The following ARHGEF4 variants were observed in gnomAD, a reference collection of about 807,000 sequenced individuals.
ARHGEF4 encodes the protein APC-stimulated guanine nucleotide exchange factor 1.
ARHGEF4 carries 119 observed loss-of-function variants against 162.0 expected under a neutral mutation model. That is an observed-to-expected ratio of 0.73 (90% CI 0.63 to 0.86). ARHGEF4 has a LOEUF of 0.86. ARHGEF4 is among the 40% of genes least tolerant of loss of function. The probability of loss-of-function intolerance (pLI) is 0.00; values close to 1 mark genes in which losing one functional copy is unlikely to be tolerated. For missense variants in ARHGEF4, 2,488 were observed against 2,456.0 expected (o/e 1.01, Z -0.28); for synonymous variants, 1,014 against 979.9 (o/e 1.03, Z -0.65).
intron 4 of ARHGEF4, among the ~76,000 whole-genome samples, chr2:131,020,413 C>G (rs1157999444): frequency 7.1e-6 from 1 of 141,678 alleles, no homozygotes; most frequent in Admixed American, 7.7e-5. Context: ...TTGTTCAATT[C>G]CCACCTATGA....
chr2:130,844,634 C>T (rs1225026388), intron 1 of ARHGEF4, among the ~76,000 whole-genome samples: 1 of 152,050 alleles, frequency 6.6e-6, no homozygotes, highest in African/African-American at 2.4e-5. Context: ...GGTGATGGCC[C>T]CTAGGTGGGT....
intron 5 of ARHGEF4, among the ~76,000 whole-genome samples, chr2:131,031,020 C>T (rs535850229): frequency 3.9e-5 from 6 of 152,150 alleles, no homozygotes; most frequent in Non-Finnish European, 7.4e-5. Flanking sequence ...CAACAGGTGT[C>T]AGAAAAAAGT....
At chr2:131,030,952 C>T (rs528491715) in intron 5 of ARHGEF4, among the ~76,000 whole-genome samples, 44 of 152,382 alleles carry the variant, frequency 2.9e-4, no homozygotes, top group African/African-American at 1.0e-3. Flanking sequence ...CTCCCACGGG[C>T]TCAGCCAGAA....
At chr2:131,036,995 A>T (rs373922911) in intron 5 of ARHGEF4, among the ~76,000 whole-genome samples, 3 of 152,138 alleles carry the variant, frequency 2.0e-5, no homozygotes, top group African/African-American at 7.2e-5. Context: ...TCTGAGTGGC[A>T]GCAGCAGCTC....
chr2:130,845,461 G>A lies in ARHGEF4; in HGVS notation c.39+8469G>A, dbSNP rs575447146. On this transcript the variant is annotated intron_variant, in intron 1 of 13. Transcript: ENST00000409359. ...GTACAGGCACCCGCCACCACACCCGGCTAATTTTTGTATTTTTAGTAGAGA... is the reference window on the plus strand; with the variant it reads ...GTACAGGCACCCGCCACCACACCCGACTAATTTTTGTATTTTTAGTAGAGA... 3.9e-5 allele frequency among the ~76,000 whole-genome samples: 6 copies of A among 152,066 alleles called. No homozygotes were observed. The South Asian group carries it at 1.3e-3, about 32-fold the overall frequency.
intron 4 of ARHGEF4, among the ~76,000 whole-genome samples, chr2:131,008,502 G>C (rs114401350): frequency 0.011 from 1,630 of 152,208 alleles, 23 homozygotes; most frequent in African/African-American, 0.037. Flanking sequence ...TCTTTTAAAT[G>C]GAGTATTTAG....
At chr2:130,896,035 G>GTTTATTTA (rs540672490) in intron 1 of ARHGEF4, among the ~76,000 whole-genome samples, 61 of 151,942 alleles carry the variant, frequency 4.0e-4, no homozygotes, top group African/African-American at 1.4e-3. Flanking sequence ...ATTTGGTGGG[G>GTTTATTTA]TTTATTTATT....
chr2:130,894,501 T>A (rs879356289), intron 1 of ARHGEF4, among the ~76,000 whole-genome samples: 8 of 151,986 alleles, frequency 5.3e-5, no homozygotes, highest in Admixed American at 2.6e-4. Flanking sequence ...TCCTGCCAAA[T>A]GGGAGCAGTG....
In ARHGEF4 at chr2:130,852,626, G is replaced by A. The variant is rs527590371; in HGVS notation, c.39+15634G>A. On this transcript the variant is annotated intron_variant, in intron 1 of 13. Transcript: ENST00000409359. ...GCCCATAAGGTGGGACGCCCTGCAC[G>A]GAGGCGAGCGAGCACGATGTGCAGA... Among the ~76,000 whole-genome samples, 3 of 152,320 alleles carry A rather than the reference G, an allele frequency of 2.0e-5. No homozygotes were observed. In the East Asian group the frequency reaches 5.8e-4, roughly 29 times the overall value.
intron 5 of ARHGEF4, among the ~76,000 whole-genome samples, chr2:131,037,186 C>T (rs1690360959): frequency 6.6e-6 from 1 of 152,208 alleles, no homozygotes; most frequent in South Asian, 2.1e-4. Flanking sequence ...GGCTCACAGG[C>T]TCATGTGTCA....
At chr2:131,035,744 C>G in intron 5 of ARHGEF4, 1 of 985,080 alleles carries the variant, frequency 1.0e-6, no homozygotes, top group Non-Finnish European at 1.2e-6. Flanking sequence ...CGGGCAGAGC[C>G]CCTCTGCCCC....
At position 131,040,247 on chromosome 2, in the gene ARHGEF4, A is replaced by G. The variant is rs762489457; in HGVS notation, c.4483-14A>G. The G allele has an allele frequency of 6.2e-7, 1 of 1,611,560 alleles. No homozygotes were observed. ...GGACCCGGTCGGGGGAGGCCTAACC[A>G]CGTCCGCCCGCAGGGCTACGTCCGG... On this transcript the variant is annotated splice_polypyrimidine_tract_variant and intron_variant, in intron 7 of 13. Transcript: ENST00000409359.
At chr2:130,918,464 G>A (rs896820140) in intron 2 of ARHGEF4, among the ~76,000 whole-genome samples, 3 of 98,436 alleles carry the variant, frequency 3.0e-5, no homozygotes, top group Admixed American at 9.5e-5. Flanking sequence ...GGCTCCCTCA[G>A]CTTCTTTAGA....
intron 4 of ARHGEF4, among the ~76,000 whole-genome samples, chr2:130,950,686 A>ACCCCCCC (rs141201333): frequency 8.4e-5 from 12 of 142,284 alleles, no homozygotes; most frequent in South Asian, 2.5e-4. Flanking sequence ...TTTAGCTATT[A>ACCCCCCC]CCCCCCACCA....
intron 13 of ARHGEF4, chr2:131,045,837 G>A: frequency 1.4e-6 from 2 of 1,449,032 alleles, no homozygotes; most frequent in Non-Finnish European, 1.8e-6. Context: ...TGCTGCAGGA[G>A]GCCAGGCCCA....
At chr2:130,940,693 T>G (rs1574268719) in intron 3 of ARHGEF4, among the ~76,000 whole-genome samples, 4 of 144,900 alleles carry the variant, frequency 2.8e-5, no homozygotes, top group Admixed American at 1.4e-4. Context: ...TAGCCGGGCG[T>G]GGTGGCGGGC....
chr2:131,043,694 G>A, intron 11 of ARHGEF4, 111 bp downstream of exon 11: 11 of 1,516,888 alleles, frequency 7.3e-6, no homozygotes, highest in Non-Finnish European at 9.9e-6. Flanking sequence ...CATACCCGGG[G>A]AGCCTGGCCA....
chr2:130,875,274 A>G (rs1678755252), intron 1 of ARHGEF4, among the ~76,000 whole-genome samples: 1 of 152,130 alleles, frequency 6.6e-6, no homozygotes, highest in South Asian at 2.1e-4. Flanking sequence ...CGATGGCCCC[A>G]CATCAGTCTC....
intron 7 of ARHGEF4, 21 bp downstream of exon 7, chr2:131,040,213 G>T (rs775933142): frequency 1.2e-6 from 2 of 1,608,544 alleles, no homozygotes; most frequent in East Asian, 2.2e-5. Flanking sequence ...GCCGGCGGGC[G>T]GTGACTGGGG....
Sources: allele counts gnomAD v4.1 joint callset (sites outside exome capture counted in the v4.1 genomes callset), GRCh38; gene constraint gnomAD v4.1.1; transcripts MANE v1.5; gene names NCBI Gene and HGNC (gene_info 2026-07-23, HGNC 2026-07-21).